MAN2A1: variants seen among roughly 807,000 people sequenced by gnomAD.
The protein encoded by MAN2A1 is alpha-mannosidase 2.
In MAN2A1, 76 loss-of-function variants were observed where a neutral mutation model predicts 142.6. That is an observed-to-expected ratio of 0.53 (90% confidence interval 0.44 to 0.65). The LOEUF (loss-of-function observed/expected upper bound fraction) is 0.65, where lower values mean the gene tolerates loss of function less well. Among genes scored for constraint, MAN2A1 ranks in the 30% least tolerant of loss-of-function variants. MAN2A1 has a pLI of 0.00. For synonymous variants in MAN2A1, 559 were observed against 473.2 expected (o/e 1.18, Z -2.35); for missense variants, 1,311 against 1,365.1 (o/e 0.96, Z 0.62).
At chr5:109,723,595 C>A (rs944601000) in intron 3 of MAN2A1, among the ~76,000 whole-genome samples, 1 of 152,180 alleles carries the variant, frequency 6.6e-6, no homozygotes, top group Non-Finnish European at 1.5e-5. Flanking sequence ...TTAGTCTTCA[C>A]ACTCTTAGTA....
At position 109,862,311 on chromosome 5, in the gene MAN2A1, G is replaced by C. The variant is rs1273545961; in HGVS notation, c.3172-2725G>C. On this transcript the variant is annotated intron_variant, in intron 20 of 21. Coordinates refer to ENST00000261483, the MANE Select transcript of MAN2A1 (RefSeq NM_002372.4). Reference sequence around the variant, plus strand: ...ATCTTTCCCCATACTCCACCAAGTTGCTGGAAGAGCCTCAGAGGCCCAGCT... The same window carrying C: ...ATCTTTCCCCATACTCCACCAAGTTCCTGGAAGAGCCTCAGAGGCCCAGCT... The C allele has an allele frequency of 1.3e-5, 2 of 152,184 alleles. 1 individual carries two copies. The highest frequency in any genetic ancestry group is 1.3e-4 in the Admixed American group (2 of 15,282). The allele number at this position is 152,184 out of a possible 1,614,324, so 9.4% of individuals were successfully genotyped here. A position where few individuals can be genotyped will look rare whatever the true frequency, so the allele number is the denominator to read the frequency against.
At chr5:109,857,350 G>A (rs1041483647) in intron 20 of MAN2A1, among the ~76,000 whole-genome samples, 10 of 152,260 alleles carry the variant, frequency 6.6e-5, no homozygotes, top group African/African-American at 2.2e-4. Flanking sequence ...TTGGCTCCCC[G>A]AGGTGTCGTG....
chr5:109,749,067 T>C (rs141708101), intron 4 of MAN2A1, among the ~76,000 whole-genome samples: 1 of 152,270 alleles, frequency 6.6e-6, no homozygotes, highest in East Asian at 1.9e-4. Flanking sequence ...GTATGTCATC[T>C]TGTATTATTT....
At chr5:109,757,638 T>G (rs1752723100) in intron 5 of MAN2A1, among the ~76,000 whole-genome samples, 1 of 152,198 alleles carries the variant, frequency 6.6e-6, no homozygotes, top group Non-Finnish European at 1.5e-5. Flanking sequence ...AGTCTATTTT[T>G]AGAACTTTTT....
intron 12 of MAN2A1, among the ~76,000 whole-genome samples, chr5:109,806,805 G>A (rs188255335): frequency 1.3e-5 from 2 of 152,282 alleles, no homozygotes; most frequent in East Asian, 3.9e-4. Flanking sequence ...GATCACACAT[G>A]CAGCATGCTT....
chr5:109,732,487 T>C (rs994909970), intron 4 of MAN2A1, among the ~76,000 whole-genome samples: 107 of 152,342 alleles, frequency 7.0e-4, no homozygotes, highest in African/African-American at 2.5e-3. Flanking sequence ...AGGGTTTTTA[T>C]GATTTTAGGT....
chr5:109,817,190 GTATATGTA>G, intron 12 of MAN2A1, 75 bp from the exon 13 acceptor site: 11 of 696,666 alleles, frequency 1.6e-5, no homozygotes, highest in Non-Finnish European at 2.4e-5. Context: ...ATATGTATAT[GTATATGTA>G]TATCTACATG....
In MAN2A1 at chr5:109,714,280, A is replaced by G. The variant is rs888879637; in HGVS notation, c.390+506A>G. On this transcript the variant is annotated intron_variant, in intron 2 of 21. Transcript: ENST00000261483. ...CCCTGTCTGCGTGTGGCTACTGAGC[A>G]CTTGAAATGTGACTAATGTGGCTTG... Among the ~76,000 whole-genome samples the G allele has an allele frequency of 2.6e-5, 4 of 152,122 alleles. No individual in the cohort carries two copies. The South Asian group carries it at 8.3e-4, about 32-fold the overall frequency.
At chr5:109,823,861 T>G in intron 16 of MAN2A1, 24 bp downstream of exon 16, 1 of 1,171,756 alleles carries the variant, frequency 8.5e-7, no homozygotes, top group Non-Finnish European at 1.2e-6. Flanking sequence ...AATGCAGTTA[T>G]GAAACATATG....
Position 109,820,273 on chromosome 5 carries a change from A to T in MAN2A1, c.2382A>T (p.Ser794=). The T allele has an allele frequency of 6.2e-7, 1 of 1,611,842 alleles. No individual in the cohort carries two copies. Among genetic ancestry groups the T allele is most frequent in the South Asian group, 1.1e-5 (1 of 90,966 alleles). ...ACCATGAAGTAAATGTGCAATTTTCATGGTATGGAACCACAATTAAAAGAG... is the reference window on the plus strand; with the variant it reads ...ACCATGAAGTAAATGTGCAATTTTCTTGGTATGGAACCACAATTAAAAGAG... The part of the protein sequence containing the change: ...GKHHEVNVQF[S]WYGTTIKRDK... The change falls in exon 15 of 22, where the codon TCA becomes TCT. Residue 794 remains serine, a synonymous_variant. Transcript: ENST00000261483.
chr5:109,840,608 TGA>T (rs1199905677), intron 16 of MAN2A1: 1 of 485,820 alleles, frequency 2.1e-6, no homozygotes, highest in East Asian at 5.8e-5. Flanking sequence ...CTGCCTTTTC[TGA>T]GATGAAGGAG....
intron 5 of MAN2A1, among the ~76,000 whole-genome samples, chr5:109,766,813 A>T (rs1037946817): frequency 6.6e-6 from 1 of 152,186 alleles, no homozygotes; most frequent in Admixed American, 6.5e-5. Context: ...GAACAATCTT[A>T]TTCTAACCAG....
At position 109,733,225 on chromosome 5, in the gene MAN2A1, C is replaced by CT. The variant is rs766859359; in HGVS notation, c.707+3714dup. Among the ~76,000 whole-genome samples the CT allele has an allele frequency of 5.5e-3, 838 of 152,212 alleles. 9 individuals are homozygous for CT. The highest frequency in any genetic ancestry group is 0.019 in the African/African-American group (780 of 41,524). On this transcript the variant is annotated intron_variant, in intron 4 of 21. Coordinates refer to ENST00000261483, the MANE Select transcript of MAN2A1 (RefSeq NM_002372.4). ...TGTACGTTGATTTTGTATCCTGAGA[C>CT]TTGCTGAAGTTGCTTATCAGCTTAA...
At chr5:109,713,938 G>A (rs1170026635) in intron 2 of MAN2A1, among the ~76,000 whole-genome samples, 164 bp downstream of exon 2, 1 of 151,518 alleles carries the variant, frequency 6.6e-6, no homozygotes, top group Admixed American at 6.6e-5. Context: ...TTAATGTTCT[G>A]TTTAGTGATA....
At chr5:109,859,067 T>A (rs536480893) in intron 20 of MAN2A1, among the ~76,000 whole-genome samples, 55 of 152,314 alleles carry the variant, frequency 3.6e-4, no homozygotes, top group African/African-American at 1.3e-3. Flanking sequence ...AATTTGTAAT[T>A]TTTAAAAATG....
Position 109,865,127 on chromosome 5 carries a change from G to C in MAN2A1, c.3263G>C (p.Cys1088Ser). 1 of 1,613,564 alleles carries C rather than the reference G, an allele frequency of 6.2e-7. No homozygotes were observed. The highest frequency in any genetic ancestry group is 2.2e-5 in the East Asian group (1 of 44,878). ...TCTAGCAAAGGCACAGGGCTGTTTT[G>C]TTCTACTACTCAGGGAAAGGTAAGT... ...RFSSKGTGLFCSTTQGKILVQ... is the reference protein window; with the variant it reads ...RFSSKGTGLFSSTTQGKILVQ... Residue 1088 changes from cysteine to serine, a missense_variant, in exon 21 of 22, where the codon TGT (cysteine) becomes TCT (serine). By Grantham distance (112) the Cys-to-Ser change is moderately radical. Transcript: ENST00000261483.
intron 12 of MAN2A1, among the ~76,000 whole-genome samples, chr5:109,792,054 C>T (rs1208037737): frequency 6.6e-6 from 1 of 152,062 alleles, no homozygotes; most frequent in Non-Finnish European, 1.5e-5. Flanking sequence ...AAAACAGATA[C>T]TTCAGAATAT....
At chr5:109,826,310 A>G (rs945225784) in intron 16 of MAN2A1, among the ~76,000 whole-genome samples, 1 of 152,172 alleles carries the variant, frequency 6.6e-6, no homozygotes, top group Admixed American at 6.5e-5. Flanking sequence ...AATAAGTGTA[A>G]TGCAAACTTA....
rs1479861296 is a variant in MAN2A1 at position 109,729,379 on chromosome 5, G to A, written c.573G>A (p.Lys191=). The change falls in exon 4 of 22, where the codon AAG becomes AAA. Residue 191 remains lysine, a synonymous_variant. Coordinates refer to ENST00000261483, the MANE Select transcript of MAN2A1 (RefSeq NM_002372.4). The part of the protein sequence containing the change: ...LKTFNDYFRD[K]TQYIFNNMVL... Reference sequence around the variant, plus strand: ...CTTTCAATGACTACTTTAGAGACAAGACTCAGTATATTTTTAATAACATGG... The same window carrying A: ...CTTTCAATGACTACTTTAGAGACAAAACTCAGTATATTTTTAATAACATGG... 3.7e-6 allele frequency: 6 copies of A among 1,605,324 alleles called. No homozygotes were observed. The South Asian group carries it at 5.6e-5, about 15-fold the overall frequency.
Sources: allele counts gnomAD v4.1 joint callset (sites outside exome capture counted in the v4.1 genomes callset), GRCh38; gene constraint gnomAD v4.1.1; transcripts MANE v1.5; gene names NCBI Gene and HGNC (gene_info 2026-07-23, HGNC 2026-07-21).